Variants in SNRPE observed in about 807,000 individuals in gnomAD.
SNRPE encodes small nuclear ribonucleoprotein polypeptide E, also known as small nuclear ribonucleoprotein E.
For missense variants in SNRPE, 53 were observed against 111.6 expected (o/e 0.48, Z 2.36); for synonymous variants, 35 against 36.7 (o/e 0.95, Z 0.17).
chr1:203,869,289 C>CTTTTT lies in SNRPE; in HGVS notation c.224-558_224-554dup, dbSNP rs564988259. 9.3e-3 allele frequency among the ~76,000 whole-genome samples: 621 copies of CTTTTT among 66,752 alleles called. 44 individuals carry two copies. Among genetic ancestry groups the CTTTTT allele is most frequent in the Middle Eastern group, 0.024 (2 of 84 alleles). 43.8% of individuals were successfully genotyped at this position (66,752 alleles called of 152,430 possible). On this transcript the variant is annotated intron_variant, in intron 4 of 4. Coordinates refer to ENST00000414487, the MANE Select transcript of SNRPE (RefSeq NM_003094.4). ...AGGTTTGTTTATTGTAGGATGGAGT[C>CTTTTT]TTTTTTTTTTTTTTTTTTTTTTTTT...
chr1:203,866,180 A>G (rs762270678), intron 4 of SNRPE, among the ~76,000 whole-genome samples: 3 of 152,214 alleles, frequency 2.0e-5, no homozygotes, highest in African/African-American at 4.8e-5. Flanking sequence ...CCATCAGTCA[A>G]TCATTAGCAT....
chr1:203,861,873 A>T (rs749977267), intron 1 of SNRPE, 160 bp downstream of exon 1: 18 of 682,406 alleles, frequency 2.6e-5, no homozygotes, highest in Non-Finnish European at 4.9e-5. Flanking sequence ...TTGAACCGTG[A>T]TGGTGGGGAG....
Position 203,861,600 on chromosome 1 carries a change from T to C in SNRPE, c.-60T>C, listed in dbSNP as rs1248450686. 2 of 1,356,300 alleles carry C rather than the reference T, an allele frequency of 1.5e-6. No individual in the cohort carries two copies. Among genetic ancestry groups the C allele is most frequent in the African/African-American group, 1.4e-5 (1 of 70,240 alleles). 84.0% of individuals were successfully genotyped at this position (1,356,300 alleles called of 1,614,324 possible). On this transcript the variant is annotated 5_prime_UTR_variant, in exon 1 of 5. Transcript: ENST00000414487. ...ACCTTCACACTTCCGCTTCCGGTTC[T>C]TTATTCCGGAAGTTGCTCTCAGAGG... is the stretch of plus-strand genomic sequence containing the variant.
intron 4 of SNRPE, among the ~76,000 whole-genome samples, chr1:203,869,309 T>TGGGGA (rs1690163872): frequency 1.5e-5 from 1 of 68,296 alleles, no homozygotes; most frequent in African/African-American, 5.8e-5. Context: ...TTTTTTTTTT[T>TGGGGA]TTTTTTTTTT....
At chr1:203,863,241 A>G (rs1690012363) in intron 2 of SNRPE, among the ~76,000 whole-genome samples, 2 of 151,762 alleles carry the variant, frequency 1.3e-5, no homozygotes, top group African/African-American at 4.8e-5. Context: ...GCTTATATTG[A>G]ACACCTGGCC....
In SNRPE at chr1:203,862,128, C is replaced by T. The variant is rs1383828642; in HGVS notation, c.55-68C>T. The T allele has an allele frequency of 7.3e-6, 9 of 1,225,282 alleles. No homozygotes were observed. In the African/African-American group the frequency reaches 1.2e-4, roughly 16 times the overall value. The allele number at this position is 1,225,282 out of a possible 1,614,324, so 75.9% of individuals were successfully genotyped here. ...AACAAAGGTGAGACGGGAATAGCGT[C>T]GTCCGGTTGTTTCAGGAAGCAGAGT... On this transcript the variant is annotated intron_variant, in intron 1 of 4. Transcript: ENST00000414487.
At chr1:203,862,312 TAGAATTTAAAAATAG>T in intron 2 of SNRPE, 90 bp downstream of exon 2, 9 of 920,826 alleles carry the variant, frequency 9.8e-6, no homozygotes, top group South Asian at 9.3e-5. Flanking sequence ...CGCTGTGTTC[TAGAATTTAAAAATAG>T]ATGTAACTGG....
chr1:203,863,612 C>T (rs768659102), intron 2 of SNRPE, 51 bp from the exon 3 acceptor site: 1 of 1,380,408 alleles, frequency 7.2e-7, no homozygotes. Flanking sequence ...AGCCACCGCG[C>T]CCGGCCCTAT....
intron 3 of SNRPE, 41 bp from the exon 4 acceptor site, chr1:203,865,000 T>G (rs1359343315): frequency 1.3e-6 from 2 of 1,590,510 alleles, no homozygotes; most frequent in Non-Finnish European, 8.6e-7. Context: ...ATGGTTTGAA[T>G]GTGATTTTCT....
At chr1:203,869,371 A>G (rs12022665) in intron 4 of SNRPE, among the ~76,000 whole-genome samples, 2 of 130,616 alleles carry the variant, frequency 1.5e-5, no homozygotes, top group East Asian at 4.8e-4. Context: ...CAATGGTGCC[A>G]TCTTGGCTCA....
intron 4 of SNRPE, among the ~76,000 whole-genome samples, chr1:203,866,068 C>T (rs1251507492): frequency 2.0e-5 from 3 of 151,938 alleles, no homozygotes; most frequent in Non-Finnish European, 4.4e-5. Context: ...AGCTCCTTTC[C>T]TCCTCCCCGG....
chr1:203,863,452 G>A (rs1478791120), intron 2 of SNRPE, among the ~76,000 whole-genome samples: 4 of 152,098 alleles, frequency 2.6e-5, no homozygotes. Flanking sequence ...CGAGTAGCTG[G>A]GACTACAGGC....
At chr1:203,867,862 G>A (rs1422172525) in intron 4 of SNRPE, among the ~76,000 whole-genome samples, 1 of 152,052 alleles carries the variant, frequency 6.6e-6, no homozygotes, top group Non-Finnish European at 1.5e-5. Flanking sequence ...TGGGGATGGG[G>A]GAAGGCGGGA....
intron 3 of SNRPE, 82 bp downstream of exon 3, chr1:203,863,807 A>T: frequency 1.0e-6 from 1 of 962,478 alleles, no homozygotes; most frequent in East Asian, 2.5e-5. Flanking sequence ...AGAACAGTGT[A>T]TAAAAAGTCA....
intron 4 of SNRPE, among the ~76,000 whole-genome samples, chr1:203,866,815 T>A (rs940201637): frequency 6.6e-6 from 1 of 151,996 alleles, no homozygotes; most frequent in African/African-American, 2.4e-5. Flanking sequence ...TCTAGTCTTA[T>A]CTCCCTCTGC....
At chr1:203,867,748 G>C (rs922585154) in intron 4 of SNRPE, among the ~76,000 whole-genome samples, 1 of 152,172 alleles carries the variant, frequency 6.6e-6, no homozygotes, top group Non-Finnish European at 1.5e-5. Flanking sequence ...CTCACCTCTT[G>C]CTGTGTGACC....
At chr1:203,865,761 G>A (rs1572404691) in intron 4 of SNRPE, among the ~76,000 whole-genome samples, 1 of 152,156 alleles carries the variant, frequency 6.6e-6, no homozygotes, top group Non-Finnish European at 1.5e-5. Context: ...GCTATAAACT[G>A]GGTCCCATGA....
At chr1:203,863,475 G>A (rs1431974932) in intron 2 of SNRPE, 188 bp from the exon 3 acceptor site, 12 of 526,838 alleles carry the variant, frequency 2.3e-5, no homozygotes, top group East Asian at 6.3e-5. Flanking sequence ...GCGCCACCAC[G>A]CCCAGCTAAT....
rs1572401539 is a variant in SNRPE, at chr1:203,861,728, A to C, written c.54+15A>C. 7 of 1,598,064 alleles carry C rather than the reference A, an allele frequency of 4.4e-6. No homozygotes were observed. Among genetic ancestry groups the C allele is most frequent in the Non-Finnish European group, 6.0e-6 (7 of 1,165,250 alleles). ...TGCAGCCCATCGTATCCTACGCAGG[A>C]TGTCAGGACTAGGAGGTTCGGGTCA... On this transcript the variant is annotated intron_variant, in intron 1 of 4. Coordinates refer to ENST00000414487, the MANE Select transcript of SNRPE (RefSeq NM_003094.4).
Sources: gnomAD v4.1 joint callset for allele counts (sites outside exome capture counted in the v4.1 genomes callset) on GRCh38, gnomAD v4.1.1 for gene constraint, MANE v1.5 for transcripts, NCBI Gene and HGNC (gene_info 2026-07-23, HGNC 2026-07-21) for gene names.